The following RNF157 variants were observed in gnomAD, a reference collection of about 807,000 sequenced individuals.
RNF157 encodes the protein E3 ubiquitin ligase RNF157.
In RNF157, 55 loss-of-function variants were observed where a neutral mutation model predicts 88.3. That is an observed-to-expected ratio of 0.62 (90% CI 0.50 to 0.78). The LOEUF (loss-of-function observed/expected upper bound fraction) is 0.78, where lower values mean the gene tolerates loss of function less well. RNF157 is among the 30% of genes least tolerant of loss of function. The pLI is 0.00. For missense variants in RNF157, 788 were observed against 860.8 expected, an observed-to-expected ratio of 0.92 and a Z score of 1.06; for synonymous variants, 334 against 341.2, an observed-to-expected ratio of 0.98 and a Z score of 0.23.
intron 17 of RNF157, chr17:76,153,572 T>C (rs2068715009): frequency 6.6e-6 from 1 of 152,374 alleles, no homozygotes; most frequent in South Asian, 2.1e-4. Flanking sequence ...TGTTCCCTGC[T>C]TGGGGGAGAC....
intron 18 of RNF157, among the ~76,000 whole-genome samples, chr17:76,151,574 A>C (rs1054060489): frequency 2.0e-5 from 3 of 152,262 alleles, no homozygotes; most frequent in African/African-American, 7.2e-5. Flanking sequence ...CATTTGACTC[A>C]GTCCGCTTGG....
rs189296918 is a variant in RNF157, at chr17:76,235,349, C to T, written c.88+4804G>A. ...AGTAGTTGGGACTACAGGCTTCTGT[C>T]ACCATGCCTGGCTAATTTTTTTGTA... On this transcript the variant is annotated intron_variant, in intron 1 of 18. Coordinates refer to ENST00000269391, the MANE Select transcript of RNF157 (RefSeq NM_052916.3). Among the ~76,000 whole-genome samples the T allele has an allele frequency of 1.1e-4, 17 of 152,282 alleles. No homozygotes were observed. The East Asian group carries it at 3.1e-3, about 28-fold the overall frequency.
At chr17:76,239,099 T>C (rs1350727165) in intron 1 of RNF157, among the ~76,000 whole-genome samples, 2 of 152,198 alleles carry the variant, frequency 1.3e-5, no homozygotes, top group African/African-American at 4.8e-5. Context: ...TTCTGACACC[T>C]CATTCCGAAA....
Position 76,240,148 on chromosome 17 carries a change from C to T in RNF157, c.88+5G>A, listed in dbSNP as rs2070354971. 1 of 1,339,562 alleles carries T rather than the reference C, an allele frequency of 7.5e-7. No homozygotes were observed. The highest frequency in any genetic ancestry group is 9.7e-7 in the Non-Finnish European group (1 of 1,033,258). 83.0% of individuals were successfully genotyped at this position (1,339,562 alleles called of 1,614,324 possible). On this transcript the variant is annotated splice_donor_5th_base_variant and intron_variant, in intron 1 of 18. Transcript: ENST00000269391. This position sits in a 1 kb window ranked among gnomAD's most constrained non-coding sequence, Gnocchi z 4.4. ...CTCGCGGCTGCGGCGCCCGCCCGCC[C>T]TCACCGGACTTGGGCGGGTAGCGGT... is the stretch of plus-strand genomic sequence containing the variant.
intron 2 of RNF157, among the ~76,000 whole-genome samples, chr17:76,201,309 G>A (rs1208810882): frequency 1.6e-5 from 2 of 125,988 alleles, no homozygotes; most frequent in Admixed American, 1.7e-4. Flanking sequence ...AACATAGTGA[G>A]ACCCTAGTCT....
intron 1 of RNF157, among the ~76,000 whole-genome samples, chr17:76,231,685 C>T (rs902657538): frequency 1.3e-5 from 2 of 152,134 alleles, no homozygotes; most frequent in Admixed American, 6.5e-5. Flanking sequence ...ACCAAGAACC[C>T]CACCCTTTCA....
chr17:76,155,799 G>T, intron 14 of RNF157, 65 bp from the exon 15 acceptor site: 1 of 1,347,804 alleles, frequency 7.4e-7, no homozygotes, highest in Non-Finnish European at 1.0e-6. Context: ...AGCTTTCTGG[G>T]GAGCAGAGCC....
At chr17:76,178,165 G>A (rs2069134447) in intron 2 of RNF157, among the ~76,000 whole-genome samples, 1 of 152,234 alleles carries the variant, frequency 6.6e-6, no homozygotes, top group Non-Finnish European at 1.5e-5. Flanking sequence ...CATGTTGCAG[G>A]CAAAGAGGAG....
chr17:76,226,300 G>A (rs1486404127), intron 1 of RNF157: 27 of 1,608,054 alleles, frequency 1.7e-5, no homozygotes, highest in South Asian at 2.2e-5. Flanking sequence ...TGGAGGACTG[G>A]ACCCCTGGGG....
intron 1 of RNF157, among the ~76,000 whole-genome samples, chr17:76,224,827 C>G (rs1484102276): frequency 6.6e-6 from 1 of 152,154 alleles, no homozygotes; most frequent in African/African-American, 2.4e-5. Flanking sequence ...TGTAGCCCAG[C>G]CCATGGGGCG....
rs139240526 is a variant in RNF157 at position 76,185,185 on chromosome 17, C to T, written c.208-11395G>A. Among the ~76,000 whole-genome samples, 13 of 152,274 alleles carry T rather than the reference C, an allele frequency of 8.5e-5. No individual in the cohort carries two copies. In the East Asian group the frequency reaches 1.9e-3, roughly 23 times the overall value. On this transcript the variant is annotated intron_variant, in intron 2 of 18. Transcript: ENST00000269391. ...GTCATTAAACACACCTACATGGCTA[C>T]GTGAACTGCTTAGATGACAAATGAA...
At chr17:76,185,298 A>G (rs1387695669) in intron 2 of RNF157, among the ~76,000 whole-genome samples, 1 of 152,190 alleles carries the variant, frequency 6.6e-6, no homozygotes, top group East Asian at 1.9e-4. Flanking sequence ...TGCTTCTAGA[A>G]TAAAACTACC....
At chr17:76,207,742 A>T (rs1449488822) in intron 2 of RNF157, among the ~76,000 whole-genome samples, 1 of 152,122 alleles carries the variant, frequency 6.6e-6, no homozygotes. Flanking sequence ...TTTGCTAGAG[A>T]GTGGAAGTCA....
In RNF157 at chr17:76,161,843, G is replaced by A. The variant is rs1033262530; in HGVS notation, c.952C>T (p.Pro318Ser). The change falls in exon 10 of 19, where the codon CCC (proline) becomes TCC (serine). Residue 318 changes from proline (P) to serine (S), a missense_variant and splice_region_variant. Transcript: ENST00000269391. This position sits in a 1 kb window ranked among gnomAD's most constrained non-coding sequence, Gnocchi z 4.6. Reference sequence around the variant, plus strand: ...GTCCCCCTGCCGCTCTGGGGCTTACGCAGTCGGCAGATGGGGCAGTTGTTG... The same window carrying A: ...GTCCCCCTGCCGCTCTGGGGCTTACACAGTCGGCAGATGGGGCAGTTGTTG... ...QANNCPICRL[P>S]FRALLQIRAM... 3.1e-6 allele frequency: 5 copies of A among 1,613,724 alleles called. No individual in the cohort carries two copies. The highest frequency in any genetic ancestry group is 1.7e-5 in the Admixed American group (1 of 60,008).
In RNF157 at chr17:76,176,705, G is replaced by A. The variant is rs1029496060; in HGVS notation, c.208-2915C>T. On this transcript the variant is annotated intron_variant, in intron 2 of 18. Coordinates refer to ENST00000269391, the MANE Select transcript of RNF157 (RefSeq NM_052916.3). This position sits in a 1 kb window ranked among gnomAD's most constrained non-coding sequence, Gnocchi z 4.2. ...GGTTACCCACCAGCAGAGGAGCAGCGTGGCAGAAGAGCAGCGCGGTAGGGC... is the reference window on the plus strand; with the variant it reads ...GGTTACCCACCAGCAGAGGAGCAGCATGGCAGAAGAGCAGCGCGGTAGGGC... Among the ~76,000 whole-genome samples, 7 of 152,198 alleles carry A rather than the reference G, an allele frequency of 4.6e-5. No individual in the cohort carries two copies. Among genetic ancestry groups the A allele is most frequent in the South Asian group, 4.1e-4 (2 of 4,830 alleles).
intron 1 of RNF157, among the ~76,000 whole-genome samples, chr17:76,237,744 C>T (rs1203704975): frequency 1.3e-5 from 2 of 151,964 alleles, no homozygotes; most frequent in Non-Finnish European, 2.9e-5. Context: ...CTTGAGACCA[C>T]GAGTTCAAGA....
chr17:76,158,501 T>C lies in RNF157; in HGVS notation c.1305A>G (p.Lys435=). The part of the protein sequence containing the change: ...QGLKLKKSLS[K]STSQNSSVLH... ...GCACGGAAGAGTTTTGGGAAGTGGA[T>C]CTGTAGGAGTCCAGTGGAAAAGCAG... Residue 435 remains lysine (K), a splice_region_variant and synonymous_variant, in exon 13 of 19, where the codon AAA becomes AAG. Transcript: ENST00000269391. 1 of 1,603,694 alleles carries C rather than the reference T, an allele frequency of 6.2e-7. No individual in the cohort carries two copies. The highest frequency in any genetic ancestry group is 8.5e-7 in the Non-Finnish European group (1 of 1,170,664).
At chr17:76,181,445 G>A (rs922215449) in intron 2 of RNF157, among the ~76,000 whole-genome samples, 1 of 152,122 alleles carries the variant, frequency 6.6e-6, no homozygotes, top group African/African-American at 2.4e-5. Context: ...AGATCTAACA[G>A]TACCTGCAGA....
chr17:76,145,767 A>C lies in RNF157; in HGVS notation c.1922-414T>G, dbSNP rs1434614443. Among the ~76,000 whole-genome samples, 3 of 152,144 alleles carry C rather than the reference A, an allele frequency of 2.0e-5. No individual in the cohort carries two copies. In the East Asian group the frequency reaches 5.8e-4, roughly 29 times the overall value. On this transcript the variant is annotated intron_variant, in intron 18 of 18. Coordinates refer to ENST00000269391, the MANE Select transcript of RNF157 (RefSeq NM_052916.3). ...CAGGAAGAGGTGGGGGGAAGTGAGA[A>C]GACTGTTCGTTCTGGCCGAGTGTTA...
Sources: gnomAD v4.1 joint callset for allele counts (sites outside exome capture counted in the v4.1 genomes callset) on GRCh38, gnomAD v4.1.1 for gene constraint, Gnocchi (gnomAD v3.1) non-coding constraint, MANE v1.5 for transcripts, NCBI Gene and HGNC (gene_info 2026-07-23, HGNC 2026-07-21) for gene names.